TMEM117: variants seen among roughly 807,000 people sequenced by gnomAD.
TMEM117 encodes the protein transmembrane protein 117.
Under a neutral mutation model 52.4 loss-of-function variants are expected in TMEM117, and 27 were observed. That is an observed-to-expected ratio of 0.51 (90% CI 0.38 to 0.71). The LOEUF is 0.71. TMEM117 is among the 30% of genes least tolerant of loss of function. The pLI, the probability that TMEM117 is intolerant of heterozygous loss-of-function variation, is 0.00. For synonymous variants in TMEM117, 215 were observed against 206.3 expected (o/e 1.04, Z -0.36); for missense variants, 556 against 630.5 (o/e 0.88, Z 1.26).
At chr12:44,314,627 C>T (rs541908239) in intron 6 of TMEM117, among the ~76,000 whole-genome samples, 11 of 148,630 alleles carry the variant, frequency 7.4e-5, no homozygotes, top group Admixed American at 3.4e-4. Flanking sequence ...AGTGCAGTGG[C>T]GCAATTTCAG....
intron 3 of TMEM117, among the ~76,000 whole-genome samples, chr12:44,120,362 G>A (rs1948213506): frequency 6.6e-6 from 1 of 152,052 alleles, no homozygotes; most frequent in Non-Finnish European, 1.5e-5. Flanking sequence ...ATTTTTTCCT[G>A]CATTATATAC....
At chr12:44,294,005 C>T (rs1193370486) in intron 5 of TMEM117, among the ~76,000 whole-genome samples, 1 of 152,034 alleles carries the variant, frequency 6.6e-6, no homozygotes, top group Non-Finnish European at 1.5e-5. Flanking sequence ...CAATGAATTC[C>T]CTTAGCCTTA....
chr12:44,035,361 T>G (rs1433996589), intron 3 of TMEM117, among the ~76,000 whole-genome samples: 1 of 152,222 alleles, frequency 6.6e-6, no homozygotes, highest in East Asian at 1.9e-4. Context: ...ATTCATTCAT[T>G]TATTTAATAT....
At chr12:43,814,255 G>C in the TMEM117 span, among the ~76,000 whole-genome samples, 9 of 152,130 alleles carry the variant, frequency 5.9e-5, no homozygotes, top group Non-Finnish European at 1.0e-4. Context: ...GTGTGATGTT[G>C]AATGGGAGAT....
At chr12:44,225,226 A>G (rs1310786306) in intron 5 of TMEM117, among the ~76,000 whole-genome samples, 1 of 152,200 alleles carries the variant, frequency 6.6e-6, no homozygotes, top group Non-Finnish European at 1.5e-5. Flanking sequence ...CACTTCTAAA[A>G]TATAGTTGGC....
At chr12:44,114,196 C>T (rs551609100) in intron 3 of TMEM117, among the ~76,000 whole-genome samples, 1 of 152,188 alleles carries the variant, frequency 6.6e-6, no homozygotes, top group Non-Finnish European at 1.5e-5. Flanking sequence ...GAGCTGTAGA[C>T]CGGAGCTGTT....
chr12:43,876,681 A>G (rs989635471), intron 2 of TMEM117, among the ~76,000 whole-genome samples: 1 of 152,116 alleles, frequency 6.6e-6, no homozygotes, highest in Non-Finnish European at 1.5e-5. Flanking sequence ...TGCCTCATAG[A>G]CACACAGGAT....
At chr12:43,877,628 C>A (rs1322860187) in intron 2 of TMEM117, among the ~76,000 whole-genome samples, 2 of 133,390 alleles carry the variant, frequency 1.5e-5, no homozygotes, top group African/African-American at 3.3e-5. Context: ...TAGTGCGACT[C>A]GGTCTCAAAA....
chr12:44,156,167 C>T (rs1948823058), intron 4 of TMEM117, among the ~76,000 whole-genome samples: 1 of 152,062 alleles, frequency 6.6e-6, no homozygotes, highest in African/African-American at 2.4e-5. Flanking sequence ...TTATAGTAGT[C>T]AGGTTAGCCC....
chr12:44,005,388 T>C (rs1444352092), intron 3 of TMEM117, among the ~76,000 whole-genome samples: 1 of 152,200 alleles, frequency 6.6e-6, no homozygotes, highest in Non-Finnish European at 1.5e-5. Flanking sequence ...ATCCATACCT[T>C]CCAACTTCCT....
At chr12:44,210,633 C>A (rs1237027785) in intron 4 of TMEM117, among the ~76,000 whole-genome samples, 3 of 152,060 alleles carry the variant, frequency 2.0e-5, no homozygotes, top group African/African-American at 7.2e-5. Flanking sequence ...TGATACATGA[C>A]ATGAGAAGGA....
At chr12:44,260,392 T>C (rs1014630798) in intron 5 of TMEM117, among the ~76,000 whole-genome samples, 1 of 152,106 alleles carries the variant, frequency 6.6e-6, no homozygotes, top group African/African-American at 2.4e-5. Flanking sequence ...CCTTTCATGA[T>C]GAGAAGCTGT....
intron 3 of TMEM117, among the ~76,000 whole-genome samples, chr12:43,959,324 G>A (rs550081929): frequency 1.3e-5 from 2 of 152,164 alleles, no homozygotes; most frequent in Non-Finnish European, 2.9e-5. Context: ...TGGTTCATAA[G>A]TATGAAAAGA....
chr12:43,978,249 T>G (rs560057344), intron 3 of TMEM117, among the ~76,000 whole-genome samples: 3 of 152,246 alleles, frequency 2.0e-5, no homozygotes, highest in South Asian at 2.1e-4. Context: ...CTTGAATATG[T>G]GTGATAAAAA....
intron 6 of TMEM117, among the ~76,000 whole-genome samples, chr12:44,335,541 A>G (rs1013982742): frequency 6.6e-6 from 1 of 152,052 alleles, no homozygotes; most frequent in African/African-American, 2.4e-5. Flanking sequence ...TAGTTAATTA[A>G]TGGCAGAGCC....
At chr12:44,153,822 AAG>A (rs1438660492) in intron 4 of TMEM117, among the ~76,000 whole-genome samples, 1 of 152,062 alleles carries the variant, frequency 6.6e-6, no homozygotes, top group East Asian at 1.9e-4. Context: ...AAACATCAGA[AAG>A]AGATTTATAG....
At chr12:43,907,278 C>T (rs7954640) in intron 2 of TMEM117, among the ~76,000 whole-genome samples, 108,205 of 151,062 alleles carry the variant, frequency 0.72, 41,896 homozygotes, top group East Asian at 0.87. Flanking sequence ...GACCTGCAGC[C>T]GAGGGTCCTG....
intron 4 of TMEM117, among the ~76,000 whole-genome samples, chr12:44,185,869 TACACACACAC>T (rs3065433): frequency 0.017 from 2,330 of 135,084 alleles, 74 homozygotes; most frequent in African/African-American, 0.053. Context: ...CTAAAAGACA[TACACACACAC>T]ACACACACAC....
chr12:44,268,160 C>G (rs771899373), intron 5 of TMEM117, among the ~76,000 whole-genome samples: 1 of 150,278 alleles, frequency 6.7e-6, no homozygotes, highest in Non-Finnish European at 1.5e-5. Context: ...TTTTTTGAGA[C>G]AGAGTCTTGC....
Sources: gnomAD v4.1 joint callset for allele counts (sites outside exome capture counted in the v4.1 genomes callset) on GRCh38, gnomAD v4.1.1 for gene constraint, MANE v1.5 for transcripts, NCBI Gene and HGNC (gene_info 2026-07-23, HGNC 2026-07-21) for gene names.